Variants in MAP3K14 observed in about 807,000 individuals in gnomAD.
MAP3K14 encodes the protein NF-kappa-beta-inducing kinase.
MAP3K14 carries 16 observed loss-of-function variants against 99.2 expected under a neutral mutation model. The ratio of observed to expected loss-of-function variants is 0.16; its 90% CI spans 0.11 to 0.24. The LOEUF is 0.24. MAP3K14 is among the 10% of genes least tolerant of loss of function. MAP3K14 has a pLI of 1.00. For synonymous variants in MAP3K14, 462 were observed against 492.4 expected (o/e 0.94, Z 0.82); for missense variants, 784 against 1,208.7 (o/e 0.65, Z 5.21).
chr17:45,266,603 G>C lies in MAP3K14; in HGVS notation c.2512C>G (p.Arg838Gly), dbSNP rs776443911. 2.4e-5 allele frequency: 39 copies of C among 1,613,838 alleles called. No individual in the cohort carries two copies. The highest frequency in any genetic ancestry group is 4.5e-5 in the East Asian group (2 of 44,868). Residue 838 changes from arginine to glycine, a missense_variant, in exon 14 of 16, where the codon CGA (arginine) becomes GGA (glycine). This residue lies in a region of MAP3K14 where 130 missense variants were observed against 220.4 expected (regional missense o/e 0.59). Coordinates refer to ENST00000344686, the MANE Select transcript of MAP3K14 (RefSeq NM_003954.5). ...VHSWSSQAEA[R>G]SSSWNMVLAR... ...AGCACCATGTTCCAGCTGGAGCTTC[G>C]AGCCTCGGCCTGGCTGCTCCAGGAG...
chr17:45,301,017 A>C (rs897761907), intron 1 of MAP3K14, among the ~76,000 whole-genome samples: 3 of 151,552 alleles, frequency 2.0e-5, no homozygotes, highest in Non-Finnish European at 4.4e-5. Flanking sequence ...AAAATACAAA[A>C]CTTAGCTGAG....
chr17:45,314,123 A>G (rs1242144539), intron 1 of MAP3K14, among the ~76,000 whole-genome samples: 1 of 152,224 alleles, frequency 6.6e-6, no homozygotes, highest in Non-Finnish European at 1.5e-5. Flanking sequence ...CTGAAGAAAA[A>G]TGACTTTTTC....
At chr17:45,285,744 C>T (rs1346288201) in intron 5 of MAP3K14, among the ~76,000 whole-genome samples, 1 of 151,476 alleles carries the variant, frequency 6.6e-6, no homozygotes, top group African/African-American at 2.4e-5. Context: ...TTGCTTTAGC[C>T]CAGGAGTTTG....
At chr17:45,316,163 T>G (rs1300341858) in intron 1 of MAP3K14, among the ~76,000 whole-genome samples, 1 of 152,190 alleles carries the variant, frequency 6.6e-6, no homozygotes, top group Non-Finnish European at 1.5e-5. Flanking sequence ...CAGTCCACCC[T>G]TTAGGGCCGA....
Position 45,267,155 on chromosome 17 carries a change from C to T in MAP3K14, c.2370G>A (p.Glu790=). The T allele has an allele frequency of 6.2e-7, 1 of 1,602,622 alleles. No homozygotes were observed. Among genetic ancestry groups the T allele is most frequent in the Non-Finnish European group, 8.5e-7 (1 of 1,174,518 alleles). The change falls in exon 13 of 16, where the codon GAG becomes GAA. Residue 790 remains glutamate (E), a synonymous_variant. Coordinates refer to ENST00000344686, the MANE Select transcript of MAP3K14 (RefSeq NM_003954.5). The surrounding 1 kb of genome is among the most constrained non-coding windows in gnomAD (Gnocchi z 5.1). ...NSLSQPFSLE[E]QEQILSCLSI... The stretch of plus-strand genomic sequence containing the variant: ...TGAGGCACGAGAGAATTTGCTCCTG[C>T]TCCTCCAGAGAAAATGGCTGGGACA...
intron 1 of MAP3K14, among the ~76,000 whole-genome samples, chr17:45,299,182 G>A (rs1444868285): frequency 6.6e-6 from 1 of 152,120 alleles, no homozygotes; most frequent in Non-Finnish European, 1.5e-5. Context: ...TCTCAGATGA[G>A]TGAGCGGGGT....
At chr17:45,288,917 G>A (rs891581174) in intron 3 of MAP3K14, among the ~76,000 whole-genome samples, 1 of 152,226 alleles carries the variant, frequency 6.6e-6, no homozygotes, top group Non-Finnish European at 1.5e-5. Flanking sequence ...GCAAGAGTGG[G>A]AAGCAGCTTC....
Position 45,286,109 on chromosome 17 carries a change from T to G in MAP3K14, c.1152+322A>C, listed in dbSNP as rs2044262340. ...TGGGTGGTGAAAACAGGTCCCATCC[T>G]CATCTTCCGTCTCTGGGGGCCATGA... is the stretch of plus-strand genomic sequence containing the variant. On this transcript the variant is annotated intron_variant, in intron 5 of 15. Transcript: ENST00000344686. This position sits in a 1 kb window ranked among gnomAD's most constrained non-coding sequence, Gnocchi z 4.1. Among the ~76,000 whole-genome samples, 2 of 152,078 alleles carry G rather than the reference T, an allele frequency of 1.3e-5. No individual in the cohort carries two copies. The highest frequency in any genetic ancestry group is 4.1e-4 in the South Asian group (2 of 4,822).
In MAP3K14 at chr17:45,267,690, T is replaced by C. The variant is rs771322208; in HGVS notation, c.2042A>G (p.Asn681Ser). The C allele has an allele frequency of 1.1e-5, 18 of 1,613,716 alleles. No individual in the cohort carries two copies. Among genetic ancestry groups the C allele is most frequent in the Admixed American group, 5.0e-5 (3 of 59,988 alleles). ...EPRHPPPNQA[N>S]YHQTLHAQPR... ...CTGGGCATGGAGGGTCTGGTGGTAATTGGCTTGATTTGGCGGTGGATGTCT... is the reference window on the plus strand; with the variant it reads ...CTGGGCATGGAGGGTCTGGTGGTAACTGGCTTGATTTGGCGGTGGATGTCT... Residue 681 changes from asparagine to serine, a missense_variant, in exon 12 of 16, where the codon AAT becomes AGT. Around this residue, in one of 5 missense-constraint regions of MAP3K14, gnomAD observed 128 missense variants for 143.3 expected, o/e 0.89. Coordinates refer to ENST00000344686, the MANE Select transcript of MAP3K14 (RefSeq NM_003954.5). The surrounding 1 kb of genome is among the most constrained non-coding windows in gnomAD (Gnocchi z 5.1).
rs34836788 is a variant in MAP3K14, at chr17:45,266,691, C to G, written c.2434-10G>C. On this transcript the variant is annotated splice_polypyrimidine_tract_variant and intron_variant, in intron 13 of 15. Coordinates refer to ENST00000344686, the MANE Select transcript of MAP3K14 (RefSeq NM_003954.5). ...AGGCCTTTGATGGGTTCTGAAACAA[C>G]AGGATTGGGTACGGGCTCAGGGCCC... The G allele has an allele frequency of 2.5e-6, 4 of 1,604,866 alleles. No individual in the cohort carries two copies. Among genetic ancestry groups the G allele is most frequent in the Non-Finnish European group, 3.4e-6 (4 of 1,173,160 alleles).
chr17:45,279,327 A>G (rs1374948810), intron 6 of MAP3K14, among the ~76,000 whole-genome samples: 1 of 151,992 alleles, frequency 6.6e-6, no homozygotes, highest in East Asian at 1.9e-4. Context: ...GGGTTTCTCC[A>G]TGTTGGTCAG....
intron 1 of MAP3K14, among the ~76,000 whole-genome samples, chr17:45,302,092 G>T (rs945915522): frequency 1.3e-5 from 2 of 151,528 alleles, no homozygotes; most frequent in Non-Finnish European, 2.9e-5. Flanking sequence ...CAGCCTCCCA[G>T]AGTGCTGGCA....
At chr17:45,274,006 T>C (rs2044159976) in intron 8 of MAP3K14, 117 bp downstream of exon 8, 2 of 1,240,742 alleles carry the variant, frequency 1.6e-6, no homozygotes. Flanking sequence ...CCTGTCAGCC[T>C]GACTCAGGGC....
chr17:45,299,848 C>T (rs923739480), intron 1 of MAP3K14, among the ~76,000 whole-genome samples: 21 of 151,910 alleles, frequency 1.4e-4, no homozygotes, highest in Admixed American at 3.3e-4. Flanking sequence ...CCAGCACTTT[C>T]GGAGGCCGAG....
rs769066147 is a variant in MAP3K14 at position 45,274,269 on chromosome 17, G to T, written c.1421-15C>A. 4 of 1,598,052 alleles carry T rather than the reference G, an allele frequency of 2.5e-6. No homozygotes were observed. The highest frequency in any genetic ancestry group is 1.3e-5 in the African/African-American group (1 of 74,612). On this transcript the variant is annotated splice_polypyrimidine_tract_variant and intron_variant, in intron 7 of 15. Coordinates refer to ENST00000344686, the MANE Select transcript of MAP3K14 (RefSeq NM_003954.5). ...CAGGGAGCCACCTAGGAGACCAAAGGCCAGGCTATACATGGGACTTGCCCG... is the reference window on the plus strand; with the variant it reads ...CAGGGAGCCACCTAGGAGACCAAAGTCCAGGCTATACATGGGACTTGCCCG...
At chr17:45,279,278 C>T (rs1462451991) in intron 6 of MAP3K14, among the ~76,000 whole-genome samples, 1 of 151,978 alleles carries the variant, frequency 6.6e-6, no homozygotes, top group Admixed American at 6.6e-5. Flanking sequence ...TACAGGCATG[C>T]GCCACCACGC....
At chr17:45,305,937 C>A (rs1228593128) in intron 1 of MAP3K14, among the ~76,000 whole-genome samples, 1 of 152,160 alleles carries the variant, frequency 6.6e-6, no homozygotes, top group Non-Finnish European at 1.5e-5. Context: ...CTCAGCTCTG[C>A]GTGATGAACT....
At position 45,271,055 on chromosome 17, in the gene MAP3K14, G is replaced by C. The variant is rs552468703; in HGVS notation, c.1821+3C>G. ...GTTGGCCATGCTGGGTGCCGTCACC[G>C]ACCTTGAGGCAGAGCGGCCCTCGGA... On this transcript the variant is annotated splice_donor_region_variant and intron_variant, in intron 10 of 15. Transcript: ENST00000344686. 4 of 1,611,954 alleles carry C rather than the reference G, an allele frequency of 2.5e-6. No homozygotes were observed. In the East Asian group the frequency reaches 6.7e-5, roughly 27 times the overall value.
intron 6 of MAP3K14, 34 bp from the exon 7 acceptor site, chr17:45,274,627 G>A (rs1322530502): frequency 6.2e-7 from 1 of 1,608,192 alleles, no homozygotes. Context: ...TTAAGACAGG[G>A]TGAGGGGACC....
Sources: allele counts gnomAD v4.1 joint callset (sites outside exome capture counted in the v4.1 genomes callset), GRCh38; gene constraint gnomAD v4.1.1; regional missense constraint gnomAD v4.1.1; non-coding constraint Gnocchi (gnomAD v3.1); transcripts MANE v1.5; gene names NCBI Gene and HGNC (gene_info 2026-07-23, HGNC 2026-07-21).